The following USP6NL variants were observed in gnomAD, a reference collection of about 807,000 sequenced individuals.
The protein encoded by USP6NL is USP6 N-terminal-like protein.
A neutral mutation model predicts 61.9 loss-of-function variants in USP6NL; 26 were observed. The observed-to-expected ratio is 0.42, with a 90% CI of 0.31 to 0.58. USP6NL has a LOEUF of 0.58. Among genes scored for constraint, USP6NL ranks in the 20% least tolerant of loss-of-function variants. The probability of loss-of-function intolerance (pLI) is 0.16; values close to 1 mark genes in which losing one functional copy is unlikely to be tolerated. For missense variants in USP6NL, 1,114 were observed against 1,034.3 expected (o/e 1.08, Z -1.06); for synonymous variants, 432 against 390.1 (o/e 1.11, Z -1.27).
chr10:11,509,417 C>T (rs529523594), intron 6 of USP6NL, among the ~76,000 whole-genome samples, 178 bp downstream of exon 6: 4 of 152,300 alleles, frequency 2.6e-5, no homozygotes, highest in Admixed American at 6.5e-5. Flanking sequence ...CAATCCGAAT[C>T]GGGTATTACG....
chr10:11,489,202 C>G lies in USP6NL; in HGVS notation c.564G>C (p.Gly188=). The G allele has an allele frequency of 6.2e-7, 1 of 1,613,836 alleles. No individual in the cohort carries two copies. The highest frequency in any genetic ancestry group is 8.5e-7 in the Non-Finnish European group (1 of 1,179,794). Residue 188 remains glycine, a synonymous_variant, in exon 10 of 15, where the codon GGG becomes GGC. Transcript: ENST00000609104. The surrounding 1 kb of genome is among the most constrained non-coding windows in gnomAD (Gnocchi z 5.7). ...IYNTEVGYCQ[G]MSQITALLLM... is the part of the protein sequence containing the mutation. The stretch of plus-strand genomic sequence containing the variant: ...GGAGTAAAGCTGTGATCTGGCTCAT[C>G]CCCTGACAATACCCGACTTCCTGGG...
chr10:11,462,326 A>T lies in USP6NL; in HGVS notation c.*115T>A. On this transcript the variant is annotated 3_prime_UTR_variant, in exon 15 of 15. Coordinates refer to ENST00000609104, the MANE Select transcript of USP6NL (RefSeq NM_014688.5). Reference sequence around the variant, plus strand: ...CCCTGTATTCTTACTACTAACAGACAGGAGAGATGTGCGAGTTGTTTACAA... The same window carrying T: ...CCCTGTATTCTTACTACTAACAGACTGGAGAGATGTGCGAGTTGTTTACAA... The T allele has an allele frequency of 8.3e-7, 1 of 1,207,842 alleles. No homozygotes were observed. Among genetic ancestry groups the T allele is most frequent in the Non-Finnish European group, 1.1e-6 (1 of 884,494 alleles). 74.8% of individuals were successfully genotyped at this position (1,207,842 alleles called of 1,614,324 possible). A position where few individuals can be genotyped will look rare whatever the true frequency, so the allele number is the denominator to read the frequency against.
chr10:11,602,391 T>C lies in USP6NL; in HGVS notation c.-83-4674A>G, dbSNP rs1034945095. Among the ~76,000 whole-genome samples, 66 of 152,156 alleles carry C rather than the reference T, an allele frequency of 4.3e-4. No individual in the cohort carries two copies. The highest frequency in any genetic ancestry group is 1.5e-3 in the African/African-American group (64 of 41,432). ...GATTTACTATGTATAATATATAATA[T>C]GTATTACAATAAATATATAATGTAT... On this transcript the variant is annotated intron_variant, in intron 1 of 14. Coordinates refer to ENST00000609104, the MANE Select transcript of USP6NL (RefSeq NM_014688.5). The surrounding 1 kb of genome is among the most constrained non-coding windows in gnomAD (Gnocchi z 4.8).
At chr10:11,604,524 A>G (rs561010940) in intron 1 of USP6NL, among the ~76,000 whole-genome samples, 1 of 152,320 alleles carries the variant, frequency 6.6e-6, no homozygotes, top group Admixed American at 6.5e-5. Context: ...GGTAAGCCTC[A>G]ATGAGGGCAA....
At position 11,463,658 on chromosome 10, in the gene USP6NL, T is replaced by A; in HGVS notation, c.1270A>T (p.Thr424Ser). 1 of 1,613,910 alleles carries A rather than the reference T, an allele frequency of 6.2e-7. No individual in the cohort carries two copies. Among genetic ancestry groups the A allele is most frequent in the Non-Finnish European group, 8.5e-7 (1 of 1,179,866 alleles). Reference sequence around the variant, plus strand: ...CTTGGCGGCTGTGCTCTCTCGGGCGTCCCGGTCCTGCTCTGGGGGTGCGGG... The same window carrying A: ...CTTGGCGGCTGTGCTCTCTCGGGCGACCCGGTCCTGCTCTGGGGGTGCGGG... ...HSPHPQSRTG[T>S]PERAQPPRRK... Residue 424 changes from threonine to serine, a missense_variant, in exon 15 of 15, where the codon ACG becomes TCG. Physicochemically the swap from Thr to Ser is moderately conservative, Grantham distance 58. Coordinates refer to ENST00000609104, the MANE Select transcript of USP6NL (RefSeq NM_014688.5). The surrounding 1 kb of genome is among the most constrained non-coding windows in gnomAD (Gnocchi z 6.3).
chr10:11,479,623 T>G (rs1833114120), intron 14 of USP6NL, among the ~76,000 whole-genome samples: 1 of 151,292 alleles, frequency 6.6e-6, no homozygotes, highest in South Asian at 2.1e-4. Context: ...TCGCCCAGGT[T>G]GGAGCGCAGT....
rs146593153 is a variant in USP6NL, at chr10:11,557,944, G to A, written c.5-30377C>T. 2.6e-5 allele frequency among the ~76,000 whole-genome samples: 4 copies of A among 152,168 alleles called. No homozygotes were observed. The East Asian group carries it at 5.8e-4, about 22-fold the overall frequency. On this transcript the variant is annotated intron_variant, in intron 2 of 14. Transcript: ENST00000609104. The stretch of plus-strand genomic sequence containing the variant: ...TAGGTATGGAGAAGAAACGCGGAAG[G>A]TATGAGAAAAAAGGGAAAACTGAAA...
intron 1 of USP6NL, among the ~76,000 whole-genome samples, chr10:11,610,507 G>A (rs568536465): frequency 1.1e-4 from 16 of 152,154 alleles, no homozygotes; most frequent in Admixed American, 3.9e-4. Context: ...ACTTTTCTAA[G>A]CTATGAAATA....
At position 11,577,060 on chromosome 10, in the gene USP6NL, C is replaced by CTT. The variant is rs200482211; in HGVS notation, c.4+20569_4+20570dup. 2.9e-4 allele frequency among the ~76,000 whole-genome samples: 39 copies of CTT among 133,082 alleles called. No homozygotes were observed. In the East Asian group the frequency reaches 3.7e-3, roughly 12 times the overall value. 87.3% of individuals were successfully genotyped at this position (133,082 alleles called of 152,430 possible). On this transcript the variant is annotated intron_variant, in intron 2 of 14. Coordinates refer to ENST00000609104, the MANE Select transcript of USP6NL (RefSeq NM_014688.5). The stretch of plus-strand genomic sequence containing the variant: ...AAATATATAATTTTCCTTTAGAATT[C>CTT]TTTTTTTTTTTTTTTTCGATGGAGT...
rs1263817772 is a variant in USP6NL, at chr10:11,496,830, ATG to A, written c.385-3604_385-3603del. Among the ~76,000 whole-genome samples the A allele has an allele frequency of 5.3e-5, 8 of 152,126 alleles. No homozygotes were observed. Among genetic ancestry groups the A allele is most frequent in the African/African-American group, 1.9e-4 (8 of 41,430 alleles). On this transcript the variant is annotated intron_variant, in intron 7 of 14. Transcript: ENST00000609104. The surrounding 1 kb of genome is among the most constrained non-coding windows in gnomAD (Gnocchi z 5.4). Reference sequence around the variant, plus strand: ...CTATTTGGGCATGTCTAGAATAAGTATGTGTATGTTAAGTGTTTTATGAGTCT... The same window carrying A: ...CTATTTGGGCATGTCTAGAATAAGTATGTATGTTAAGTGTTTTATGAGTCT...
intron 2 of USP6NL, chr10:11,564,561 C>T (rs1837055199): frequency 1.3e-5 from 2 of 152,328 alleles, no homozygotes; most frequent in Admixed American, 6.5e-5. Flanking sequence ...GAATTGCAGT[C>T]CTTGCCCTCA....
rs548906518 is a variant in USP6NL, at chr10:11,525,021, A to G, written c.155+365T>C. Among the ~76,000 whole-genome samples the G allele has an allele frequency of 1.4e-4, 21 of 152,336 alleles. No homozygotes were observed. In the East Asian group the frequency reaches 3.5e-3, roughly 25 times the overall value. The stretch of plus-strand genomic sequence containing the variant: ...TTTACAAGGCTAATTTTCAGGCTGC[A>G]TAACACTAAAGTTCGAATTGCTATT... On this transcript the variant is annotated intron_variant, in intron 4 of 14. Transcript: ENST00000609104. The surrounding 1 kb of genome is among the most constrained non-coding windows in gnomAD (Gnocchi z 5.0).
At chr10:11,500,353 A>C (rs1171755149) in intron 7 of USP6NL, among the ~76,000 whole-genome samples, 1 of 152,178 alleles carries the variant, frequency 6.6e-6, no homozygotes, top group African/African-American at 2.4e-5. Flanking sequence ...TGAAGAAAAA[A>C]AAAACAGCAA....
chr10:11,586,325 C>T (rs1837961480), intron 2 of USP6NL, among the ~76,000 whole-genome samples: 1 of 150,224 alleles, frequency 6.7e-6, no homozygotes, highest in Admixed American at 6.6e-5. Flanking sequence ...AAAAACTGAG[C>T]CATCTTAAAT....
chr10:11,532,103 A>T lies in USP6NL; in HGVS notation c.5-4536T>A. Reference sequence around the variant, plus strand: ...TCCAATAAAATAAAATTTACAGCAGACCATTTTTCCTAGAGTACATTTTGA... The same window carrying T: ...TCCAATAAAATAAAATTTACAGCAGTCCATTTTTCCTAGAGTACATTTTGA... On this transcript the variant is annotated intron_variant, in intron 2 of 14. Transcript: ENST00000609104. This position sits in a 1 kb window ranked among gnomAD's most constrained non-coding sequence, Gnocchi z 4.1. The T allele has an allele frequency of 9.2e-7, 1 of 1,085,264 alleles. No homozygotes were observed. Among genetic ancestry groups the T allele is most frequent in the Non-Finnish European group, 1.3e-6 (1 of 755,250 alleles). 67.2% of individuals were successfully genotyped at this position (1,085,264 alleles called of 1,614,324 possible).
At chr10:11,502,454 T>C (rs1834242213) in intron 6 of USP6NL, among the ~76,000 whole-genome samples, 1 of 152,124 alleles carries the variant, frequency 6.6e-6, no homozygotes, top group South Asian at 2.1e-4. Flanking sequence ...ACTTTGAAAC[T>C]TAAAAATAAA....
At chr10:11,608,151 T>C (rs984496791) in intron 1 of USP6NL, among the ~76,000 whole-genome samples, 1 of 152,240 alleles carries the variant, frequency 6.6e-6, no homozygotes, top group African/African-American at 2.4e-5. Flanking sequence ...TATCCTGATA[T>C]TACAAAGCAT....
chr10:11,541,113 C>CAT (rs536604278), intron 2 of USP6NL, among the ~76,000 whole-genome samples: 345 of 151,310 alleles, frequency 2.3e-3, no homozygotes, highest in African/African-American at 7.5e-3. Flanking sequence ...CTCATGTGTG[C>CAT]ATGTGTTTAA....
intron 2 of USP6NL, among the ~76,000 whole-genome samples, chr10:11,542,825 A>G (rs1836120635): frequency 6.6e-6 from 1 of 152,166 alleles, no homozygotes; most frequent in Non-Finnish European, 1.5e-5. Flanking sequence ...AGCAACAGGA[A>G]TGGCTATTTG....
Sources: allele counts gnomAD v4.1 joint callset (sites outside exome capture counted in the v4.1 genomes callset), GRCh38; gene constraint gnomAD v4.1.1; non-coding constraint Gnocchi (gnomAD v3.1); transcripts MANE v1.5; gene names NCBI Gene and HGNC (gene_info 2026-07-23, HGNC 2026-07-21).